The following ZP3 variants were observed in gnomAD, a reference collection of about 807,000 sequenced individuals.
ZP3 encodes zona pellucida sperm-binding protein 3.
ZP3 carries 21 observed loss-of-function variants against 35.6 expected under a neutral mutation model. The observed-to-expected ratio is 0.59, with a 90% CI of 0.42 to 0.85. ZP3 has a LOEUF of 0.85. Among genes scored for constraint, ZP3 ranks in the 40% least tolerant of loss-of-function variants. The pLI is 0.00. For synonymous variants in ZP3, 207 were observed against 214.5 expected, an observed-to-expected ratio of 0.96 and a Z score of 0.31; for missense variants, 437 against 536.5, an observed-to-expected ratio of 0.81 and a Z score of 1.83.
intron 1 of ZP3, among the ~76,000 whole-genome samples, chr7:76,405,480 C>T (rs1233614895): frequency 6.7e-6 from 1 of 149,210 alleles, no homozygotes; most frequent in African/African-American, 2.5e-5. Flanking sequence ...CCGTGCCAGC[C>T]CAGAACATTT....
intron 1 of ZP3, among the ~76,000 whole-genome samples, chr7:76,417,940 CTT>C (rs371645836): frequency 0.27 from 32,592 of 120,958 alleles, 3,882 homozygotes; most frequent in Middle Eastern, 0.42. Flanking sequence ...TTCTTTCTTT[CTT>C]TTTTTTTTTT....
chr7:76,441,377 T>G (rs1298556707), intron 7 of ZP3, among the ~76,000 whole-genome samples: 2 of 150,624 alleles, frequency 1.3e-5, no homozygotes, highest in African/African-American at 2.5e-5. Context: ...AAAGCTGTCT[T>G]TTTCTTTTTT....
At chr7:76,406,493 T>A (rs924284998) in intron 1 of ZP3, among the ~76,000 whole-genome samples, 2 of 152,018 alleles carry the variant, frequency 1.3e-5, no homozygotes, top group Non-Finnish European at 2.9e-5. Context: ...TTTTATTTTT[T>A]ATTTTTTACA....
chr7:76,433,976 G>A lies in ZP3; in HGVS notation c.714-62G>A, dbSNP rs991891062. The A allele has an allele frequency of 3.1e-6, 4 of 1,295,480 alleles. No homozygotes were observed. The African/African-American group carries it at 6.1e-5, about 20-fold the overall frequency. 80.2% of individuals were successfully genotyped at this position (1,295,480 alleles called of 1,614,324 possible). A position where few individuals can be genotyped will look rare whatever the true frequency, so the allele number is the denominator to read the frequency against. The stretch of plus-strand genomic sequence containing the variant: ...GGCCTCCCAAAGTGCTGGGATTATG[G>A]GCGTGAGCCACGGTGCCCGGCCCAC... On this transcript the variant is annotated intron_variant, in intron 4 of 7. Transcript: ENST00000394857.
intron 3 of ZP3, 68 bp downstream of exon 3, chr7:76,433,098 CTG>C: frequency 1.7e-6 from 2 of 1,166,630 alleles, no homozygotes; most frequent in South Asian, 3.2e-5. Context: ...CTGCCCTTGG[CTG>C]TGTCTTTTTT....
intron 7 of ZP3, 143 bp downstream of exon 7, chr7:76,440,754 C>G: frequency 7.2e-7 from 1 of 1,385,760 alleles, no homozygotes; most frequent in East Asian, 2.5e-5. Context: ...TTCCCTAACA[C>G]AAATCTTGGG....
intron 1 of ZP3, among the ~76,000 whole-genome samples, chr7:76,428,142 A>G (rs902672368): frequency 2.7e-5 from 4 of 147,542 alleles, no homozygotes; most frequent in African/African-American, 7.7e-5. Context: ...CCTGGCTAAC[A>G]TGGCGAAACC....
chr7:76,430,123 T>C (rs577288844), intron 2 of ZP3, among the ~76,000 whole-genome samples: 1 of 152,154 alleles, frequency 6.6e-6, no homozygotes, highest in East Asian at 1.9e-4. Context: ...GGCAGGAGAA[T>C]TGCTTGAACC....
intron 2 of ZP3, among the ~76,000 whole-genome samples, chr7:76,431,759 C>T (rs1805831180): frequency 1.3e-5 from 2 of 152,094 alleles, no homozygotes; most frequent in Non-Finnish European, 2.9e-5. Flanking sequence ...ATTAGCCAGG[C>T]CTAGTGGCGG....
intron 1 of ZP3, among the ~76,000 whole-genome samples, chr7:76,416,810 CTCTCTCTA>C (rs1249932183): frequency 7.4e-6 from 1 of 135,030 alleles, no homozygotes; most frequent in African/African-American, 2.9e-5. Flanking sequence ...CTCTCTCTCT[CTCTCTCTA>C]TATATATATA....
intron 2 of ZP3, among the ~76,000 whole-genome samples, chr7:76,430,391 A>G (rs1805792380): frequency 6.6e-6 from 1 of 152,218 alleles, no homozygotes; most frequent in East Asian, 1.9e-4. Flanking sequence ...TGGCCTCAGC[A>G]TGGGGTGCAG....
intron 1 of ZP3, among the ~76,000 whole-genome samples, chr7:76,402,360 T>G (rs539330448): frequency 4.9e-4 from 75 of 152,064 alleles, no homozygotes; most frequent in Admixed American, 3.0e-3. Flanking sequence ...TTATATTTTT[T>G]AGGTAGAAAT....
chr7:76,440,083 G>T (rs1286868771), intron 5 of ZP3, 167 bp from the exon 6 acceptor site: 27 of 1,304,434 alleles, frequency 2.1e-5, no homozygotes, highest in African/African-American at 3.0e-5. Context: ...CTGACCTCAG[G>T]TGATCTACCC....
chr7:76,428,439 T>C (rs1038642169), intron 1 of ZP3, among the ~76,000 whole-genome samples: 1 of 152,212 alleles, frequency 6.6e-6, no homozygotes, highest in Non-Finnish European at 1.5e-5. Flanking sequence ...ATACCTTCAC[T>C]CTACTGGGGT....
intron 5 of ZP3, among the ~76,000 whole-genome samples, chr7:76,437,171 CTTTTTTTTT>C (rs869115807): frequency 2.5e-5 from 2 of 78,710 alleles, no homozygotes; most frequent in African/African-American, 1.0e-4. Flanking sequence ...ACCCTGTGTA[CTTTTTTTTT>C]TTTTTTTTTT....
intron 3 of ZP3, 115 bp downstream of exon 3, chr7:76,433,145 T>TTGGTTTTGGG: frequency 1.4e-6 from 1 of 710,854 alleles, no homozygotes; most frequent in Non-Finnish European, 2.3e-6. Context: ...TTGGTTTTGG[T>TTGGTTTTGGG]TGGTTTTGGT....
At chr7:76,410,865 G>A (rs1228539424) in intron 1 of ZP3, among the ~76,000 whole-genome samples, 1 of 151,478 alleles carries the variant, frequency 6.6e-6, no homozygotes, top group Non-Finnish European at 1.5e-5. Context: ...TGTGGTGGCG[G>A]GTGCCTGTAA....
At chr7:76,424,020 C>G (rs1007006949), upstream of ZP3, among the ~76,000 whole-genome samples, 3 of 152,058 alleles carry the variant, frequency 2.0e-5, no homozygotes, top group South Asian at 2.1e-4. Context: ...TGACCTACCC[C>G]CCGGCCTCCC....
At chr7:76,404,345 AG>A (rs768771438) in intron 1 of ZP3, 1 of 1,611,726 alleles carries the variant, frequency 6.2e-7, no homozygotes, top group Admixed American at 1.7e-5. Flanking sequence ...GGCTTGGGGG[AG>A]GAAGGGAGGG....
Sources: gnomAD v4.1 joint callset for allele counts (sites outside exome capture counted in the v4.1 genomes callset) on GRCh38, gnomAD v4.1.1 for gene constraint, MANE v1.5 for transcripts, NCBI Gene and HGNC (gene_info 2026-07-23, HGNC 2026-07-21) for gene names.